Variants in HS3ST4 observed in about 807,000 individuals in gnomAD.
HS3ST4 encodes the protein heparan sulfate-glucosamine 3-sulfotransferase 4.
HS3ST4 carries 17 observed loss-of-function variants against 29.2 expected under a neutral mutation model. That is an observed-to-expected ratio of 0.58 (90% CI 0.40 to 0.87). The LOEUF (loss-of-function observed/expected upper bound fraction) is 0.87. Among genes scored for constraint, HS3ST4 ranks in the 40% least tolerant of loss-of-function variants. The probability of loss-of-function intolerance (pLI) is 0.00; values close to 1 mark genes in which losing one functional copy is unlikely to be tolerated. For missense variants in HS3ST4, 627 were observed against 634.5 expected (o/e 0.99, Z 0.13); for synonymous variants, 314 against 285.7 (o/e 1.10, Z -1.00).
chr16:26,105,611 T>C (rs1297659037), intron 1 of HS3ST4, among the ~76,000 whole-genome samples: 1 of 152,224 alleles, frequency 6.6e-6, no homozygotes, highest in Non-Finnish European at 1.5e-5. Context: ...CTCAAGTTCT[T>C]AAAATGACCT....
intron 1 of HS3ST4, among the ~76,000 whole-genome samples, chr16:25,876,669 T>C (rs1196851724): frequency 6.6e-6 from 1 of 151,992 alleles, no homozygotes; most frequent in Non-Finnish European, 1.5e-5. Flanking sequence ...CAATCAACAG[T>C]GCTGGGAATG....
intron 1 of HS3ST4, among the ~76,000 whole-genome samples, chr16:25,785,788 G>C (rs908503895): frequency 6.6e-6 from 1 of 152,222 alleles, no homozygotes; most frequent in Non-Finnish European, 1.5e-5. Context: ...GTAAAGCACA[G>C]AGAAGAAGAG....
At chr16:25,858,287 G>T (rs55633735) in intron 1 of HS3ST4, among the ~76,000 whole-genome samples, 23,344 of 151,784 alleles carry the variant, frequency 0.15, 1,894 homozygotes, top group East Asian at 0.26. Context: ...CTCGTTCATA[G>T]AAATATTTAT....
chr16:25,978,006 G>A (rs1968961332), intron 1 of HS3ST4, among the ~76,000 whole-genome samples: 1 of 152,176 alleles, frequency 6.6e-6, no homozygotes, highest in South Asian at 2.1e-4. Flanking sequence ...CCTCAAGCAA[G>A]TATCATCACA....
chr16:25,717,510 G>GGTGTGTGTGT lies in HS3ST4; in HGVS notation c.734+24394_734+24403dup, dbSNP rs763190199. Reference sequence around the variant, plus strand: ...CTGAAGGATGAGTAGAAGGTGAAGGGGTGTGTGTGTGTGTGTGTGTGTGTG... The same window carrying GGTGTGTGTGT: ...CTGAAGGATGAGTAGAAGGTGAAGGGGTGTGTGTGTGTGTGTGTGTGTGTGTGTGTGTGTG... On this transcript the variant is annotated intron_variant, in intron 1 of 1. Coordinates refer to ENST00000331351, the MANE Select transcript of HS3ST4 (RefSeq NM_006040.3). 6.6e-4 allele frequency among the ~76,000 whole-genome samples: 88 copies of GGTGTGTGTGT among 132,912 alleles called. 1 individual carries two copies. The highest frequency in any genetic ancestry group is 8.8e-4 in the Non-Finnish European group (55 of 62,560). 87.2% of individuals were successfully genotyped at this position (132,912 alleles called of 152,430 possible).
At chr16:26,054,073 G>A (rs955259706) in intron 1 of HS3ST4, among the ~76,000 whole-genome samples, 2 of 152,132 alleles carry the variant, frequency 1.3e-5, no homozygotes, top group South Asian at 2.1e-4. Flanking sequence ...ACATGTCATT[G>A]GTCAAAGCAG....
intron 1 of HS3ST4, among the ~76,000 whole-genome samples, chr16:25,857,974 C>T (rs199916638): frequency 9.5e-3 from 195 of 20,570 alleles, no homozygotes; most frequent in African/African-American, 0.044. Flanking sequence ...CTTTCTTTCT[C>T]TTTTCTGTCT....
At chr16:26,007,914 CTTT>C (rs370947868) in intron 1 of HS3ST4, among the ~76,000 whole-genome samples, 1 of 144,962 alleles carries the variant, frequency 6.9e-6, no homozygotes, top group Admixed American at 7.0e-5. Flanking sequence ...CACATGGCCA[CTTT>C]TTTTTTTTTT....
chr16:25,898,196 C>T (rs1393033750), intron 1 of HS3ST4, among the ~76,000 whole-genome samples: 1 of 152,246 alleles, frequency 6.6e-6, no homozygotes. Flanking sequence ...TCTTGACTCA[C>T]CACCTGTGTC....
chr16:25,989,405 GACAT>G (rs1383762951), intron 1 of HS3ST4, among the ~76,000 whole-genome samples: 3 of 152,228 alleles, frequency 2.0e-5, no homozygotes, highest in Non-Finnish European at 4.4e-5. Context: ...CCACTGCGGT[GACAT>G]ACATGGGAAG....
At chr16:25,842,504 G>T (rs1366783100) in intron 1 of HS3ST4, among the ~76,000 whole-genome samples, 2 of 152,194 alleles carry the variant, frequency 1.3e-5, no homozygotes, top group Non-Finnish European at 2.9e-5. Flanking sequence ...GGAAGAAGCT[G>T]CCTTTTTCAT....
intron 1 of HS3ST4, among the ~76,000 whole-genome samples, chr16:26,043,432 C>T (rs1969652807): frequency 6.6e-6 from 1 of 152,170 alleles, no homozygotes; most frequent in South Asian, 2.1e-4. Context: ...GGAAGCCAAT[C>T]TTCTTGGGTT....
intron 1 of HS3ST4, among the ~76,000 whole-genome samples, chr16:25,787,198 A>T (rs1966858975): frequency 6.6e-6 from 1 of 152,212 alleles, no homozygotes; most frequent in African/African-American, 2.4e-5. Flanking sequence ...TCTGTGCCTG[A>T]TCTCTGTTTG....
At chr16:25,960,873 A>G (rs1005968445) in intron 1 of HS3ST4, among the ~76,000 whole-genome samples, 3 of 152,228 alleles carry the variant, frequency 2.0e-5, no homozygotes, top group Non-Finnish European at 4.4e-5. Flanking sequence ...AAATCTGTGC[A>G]AGGAAACATG....
intron 1 of HS3ST4, among the ~76,000 whole-genome samples, chr16:25,903,165 CATT>C (rs1968135715): frequency 6.6e-6 from 1 of 151,668 alleles, no homozygotes; most frequent in Non-Finnish European, 1.5e-5. Context: ...TGCACTGTGA[CATT>C]AGACCTCAGG....
intron 1 of HS3ST4, among the ~76,000 whole-genome samples, chr16:26,003,811 T>C (rs1567291541): frequency 6.6e-6 from 1 of 152,112 alleles, no homozygotes. Context: ...AGTAGGAATT[T>C]CTTGGCAGTG....
At chr16:25,777,922 T>G (rs1441719612) in intron 1 of HS3ST4, among the ~76,000 whole-genome samples, 1 of 152,142 alleles carries the variant, frequency 6.6e-6, no homozygotes, top group East Asian at 1.9e-4. Flanking sequence ...ATAGTTTGTT[T>G]CCATTTGCAT....
chr16:26,049,330 C>G lies in HS3ST4; in HGVS notation c.735-86282C>G, dbSNP rs533313819. ...AAAAAGGTGGACCTGCTGGGAAGTCCGGAGGTCTACATCCGGAGGTCTACA... is the reference window on the plus strand; with the variant it reads ...AAAAAGGTGGACCTGCTGGGAAGTCGGGAGGTCTACATCCGGAGGTCTACA... On this transcript the variant is annotated intron_variant, in intron 1 of 1. Coordinates refer to ENST00000331351, the MANE Select transcript of HS3ST4 (RefSeq NM_006040.3). Among the ~76,000 whole-genome samples, 5 of 86,704 alleles carry G rather than the reference C, an allele frequency of 5.8e-5. No homozygotes were observed. The East Asian group carries it at 1.3e-3, about 22-fold the overall frequency. 56.9% of individuals were successfully genotyped at this position (86,704 alleles called of 152,430 possible). A position where few individuals can be genotyped will look rare whatever the true frequency, so the allele number is the denominator to read the frequency against.
chr16:25,881,344 A>C (rs1434328394), intron 1 of HS3ST4, among the ~76,000 whole-genome samples: 1 of 152,058 alleles, frequency 6.6e-6, no homozygotes, highest in Admixed American at 6.6e-5. Context: ...TTTCATAGTT[A>C]AAAAAAAGTT....
Sources: gnomAD v4.1 joint callset for allele counts (sites outside exome capture counted in the v4.1 genomes callset) on GRCh38, gnomAD v4.1.1 for gene constraint, MANE v1.5 for transcripts, NCBI Gene and HGNC (gene_info 2026-07-23, HGNC 2026-07-21) for gene names.